Variants in KDM4C observed in about 807,000 individuals in gnomAD.
The protein encoded by KDM4C is lysine demethylase 4C.
Under a neutral mutation model 129.3 loss-of-function variants are expected in KDM4C, and 81 were observed. That is an observed-to-expected ratio of 0.63 (90% CI 0.52 to 0.75). The LOEUF (loss-of-function observed/expected upper bound fraction) is 0.75, where lower values mean the gene tolerates loss of function less well. KDM4C is among the 30% of genes least tolerant of loss of function. The pLI is 0.00. For missense variants in KDM4C, 1,457 were observed against 1,304.0 expected (o/e 1.12, Z -1.81); for synonymous variants, 573 against 456.1 (o/e 1.26, Z -3.26).
intron 18 of KDM4C, among the ~76,000 whole-genome samples, chr9:7,106,626 A>G (rs1837721027): frequency 6.6e-6 from 1 of 152,156 alleles, no homozygotes; most frequent in Admixed American, 6.6e-5. Context: ...TTTAAGGAAA[A>G]TTCAACTATT....
Position 7,036,187 on chromosome 9 carries a change from T to C in KDM4C, c.2260-10675T>C, listed in dbSNP as rs143427685. Among the ~76,000 whole-genome samples the C allele has an allele frequency of 8.9e-3, 1,357 of 152,298 alleles. 5 individuals carry two copies. Among genetic ancestry groups the C allele is most frequent in the Middle Eastern group, 0.017 (5 of 294 alleles). ...CTTCATTTTTTTATAGTTTCTCTTA[T>C]AGTGGTCTTTCACCTTCTTGGTTAA... On this transcript the variant is annotated intron_variant, in intron 15 of 21. Transcript: ENST00000381309.
intron 8 of KDM4C, among the ~76,000 whole-genome samples, chr9:6,951,659 G>A (rs1302392185): frequency 1.3e-5 from 2 of 152,164 alleles, no homozygotes; most frequent in Admixed American, 1.3e-4. Flanking sequence ...ATTACCCATG[G>A]TATACAGTTT....
intron 4 of KDM4C, among the ~76,000 whole-genome samples, chr9:6,828,056 G>A (rs72701420): frequency 0.068 from 10,340 of 152,314 alleles, 477 homozygotes; most frequent in Non-Finnish European, 0.096. Flanking sequence ...TGGAAGAGCA[G>A]TTAAAGCCCA....
chr9:6,834,960 A>T, intron 4 of KDM4C: 1 of 1,020,288 alleles, frequency 9.8e-7, no homozygotes, highest in Admixed American at 1.7e-5. Flanking sequence ...TGCGAGGGAT[A>T]TGCCCTCCCC....
chr9:6,975,402 C>T (rs1053531862), intron 8 of KDM4C, among the ~76,000 whole-genome samples: 4 of 152,124 alleles, frequency 2.6e-5, no homozygotes, highest in East Asian at 1.9e-4. Context: ...AATGATAAAG[C>T]ATGTTGTATG....
intron 18 of KDM4C, among the ~76,000 whole-genome samples, chr9:7,106,170 A>G (rs995433006): frequency 6.6e-6 from 1 of 152,370 alleles, no homozygotes; most frequent in East Asian, 1.9e-4. Context: ...ACTAACCAGT[A>G]GGAATTTATA....
At position 6,990,497 on chromosome 9, in the gene KDM4C, G is replaced by A; in HGVS notation, c.1759G>A (p.Val587Met). The change falls in exon 12 of 22, where the codon GTG (valine) becomes ATG (methionine). Residue 587 changes from valine to methionine, a missense_variant. By Grantham distance (21) the Val-to-Met change is conservative. Coordinates refer to ENST00000381309, the MANE Select transcript of KDM4C (RefSeq NM_015061.6). ...TCCAGCAAGATCTCCGATGACTCTT[G>A]TGAAGCAGCAGGCGCCAAGTGATGA... ...RPPARSPMTL[V>M]KQQAPSDEEL... The A allele has an allele frequency of 1.2e-6, 2 of 1,611,962 alleles. No homozygotes were observed. The highest frequency in any genetic ancestry group is 1.7e-6 in the Non-Finnish European group (2 of 1,179,248).
chr9:6,932,727 C>G (rs1823977033), intron 8 of KDM4C, among the ~76,000 whole-genome samples: 1 of 152,162 alleles, frequency 6.6e-6, no homozygotes, highest in Admixed American at 6.5e-5. Context: ...ATGATTTTGT[C>G]TCATAAAGGA....
chr9:6,958,684 A>G, intron 8 of KDM4C, among the ~76,000 whole-genome samples: 1 of 91,608 alleles, frequency 1.1e-5, no homozygotes, highest in African/African-American at 4.8e-5. Context: ...CTTTCTTTAT[A>G]TGATTTTTTT....
chr9:6,847,003 G>A (rs967821103), intron 4 of KDM4C, among the ~76,000 whole-genome samples: 5 of 152,080 alleles, frequency 3.3e-5, no homozygotes, highest in Non-Finnish European at 7.4e-5. Flanking sequence ...AGGTCTTTTT[G>A]TCCAGCACTA....
intron 1 of KDM4C, among the ~76,000 whole-genome samples, chr9:6,737,819 G>A (rs1316071712): frequency 2.6e-5 from 4 of 151,978 alleles, no homozygotes; most frequent in Admixed American, 2.0e-4. Context: ...CAGTCAGAAT[G>A]ACTATTATTA....
intron 13 of KDM4C, among the ~76,000 whole-genome samples, chr9:7,013,586 C>T (rs937161620): frequency 6.6e-6 from 1 of 152,084 alleles, no homozygotes; most frequent in Non-Finnish European, 1.5e-5. Context: ...GAATATTGTC[C>T]TTTTCCTGCA....
rs537655436 is a variant in KDM4C at position 6,767,173 on chromosome 9, G to A, written c.-18+8970G>A. ...TTCTTTTTTGAGATGGAGTCTCGCT[G>A]TGTCGCCCAGGCTGGAGTGCAGTGG... is the stretch of plus-strand genomic sequence containing the variant. On this transcript the variant is annotated intron_variant, in intron 1 of 21. Coordinates refer to ENST00000381309, the MANE Select transcript of KDM4C (RefSeq NM_015061.6). 3.5e-3 allele frequency among the ~76,000 whole-genome samples: 526 copies of A among 151,558 alleles called. 6 individuals are homozygous for A. Among genetic ancestry groups the A allele is most frequent in the African/African-American group, 0.012 (496 of 41,276 alleles).
At chr9:7,015,385 A>C (rs895816848) in intron 14 of KDM4C, among the ~76,000 whole-genome samples, 1 of 152,194 alleles carries the variant, frequency 6.6e-6, no homozygotes, top group African/African-American at 2.4e-5. Flanking sequence ...TGAACTGAAT[A>C]GACAAATCGA....
At chr9:7,003,565 C>T (rs1199470960) in intron 12 of KDM4C, among the ~76,000 whole-genome samples, 1 of 151,822 alleles carries the variant, frequency 6.6e-6, no homozygotes, top group Non-Finnish European at 1.5e-5. Context: ...AGAGGTGATA[C>T]ATAAAGAACA....
chr9:7,031,431 G>C (rs977036944), intron 15 of KDM4C, among the ~76,000 whole-genome samples: 1 of 152,162 alleles, frequency 6.6e-6, no homozygotes, highest in Non-Finnish European at 1.5e-5. Flanking sequence ...AAAGTGCTGG[G>C]ATTACAGGCG....
At chr9:7,060,413 T>C (rs1831460601) in intron 17 of KDM4C, among the ~76,000 whole-genome samples, 1 of 150,740 alleles carries the variant, frequency 6.6e-6, no homozygotes, top group Admixed American at 6.6e-5. Context: ...GTAGTGTTAA[T>C]ACTAATTCTA....
chr9:7,039,629 A>G (rs1380769952), intron 15 of KDM4C, among the ~76,000 whole-genome samples: 1 of 152,116 alleles, frequency 6.6e-6, no homozygotes, highest in Non-Finnish European at 1.5e-5. Flanking sequence ...AACACAATTA[A>G]CACACAGTTT....
chr9:6,928,214 C>G (rs1160069626), intron 8 of KDM4C, among the ~76,000 whole-genome samples: 2 of 152,222 alleles, frequency 1.3e-5, no homozygotes, highest in Non-Finnish European at 2.9e-5. Flanking sequence ...ACTATACTCA[C>G]CTTGTTTTCT....
Sources: allele counts gnomAD v4.1 joint callset (sites outside exome capture counted in the v4.1 genomes callset), GRCh38; gene constraint gnomAD v4.1.1; transcripts MANE v1.5; gene names NCBI Gene and HGNC (gene_info 2026-07-23, HGNC 2026-07-21).